SEC22A: variants seen among roughly 807,000 people sequenced by gnomAD.
The protein encoded by SEC22A is vesicle-trafficking protein SEC22a.
SEC22A carries 22 observed loss-of-function variants against 35.3 expected under a neutral mutation model. That is an observed-to-expected ratio of 0.62 (90% CI 0.45 to 0.89). The LOEUF (loss-of-function observed/expected upper bound fraction) is 0.89. Ranked by LOEUF, SEC22A falls within the 40% of genes least tolerant of loss-of-function variation. The pLI, the probability that SEC22A is intolerant of heterozygous loss-of-function variation, is 0.00. For missense variants in SEC22A, 354 were observed against 362.5 expected, an observed-to-expected ratio of 0.98 and a Z score of 0.19; for synonymous variants, 119 against 129.5, an observed-to-expected ratio of 0.92 and a Z score of 0.55.
chr3:123,257,103 T>C (rs1453947038), intron 5 of SEC22A, among the ~76,000 whole-genome samples: 1 of 152,042 alleles, frequency 6.6e-6, no homozygotes, highest in Non-Finnish European at 1.5e-5. Flanking sequence ...AAGTACCTGG[T>C]TTGTAAATGC....
At chr3:123,246,148 T>A (rs1937564177) in intron 5 of SEC22A, 134 bp downstream of exon 5, 2 of 560,252 alleles carry the variant, frequency 3.6e-6, no homozygotes, top group Admixed American at 3.4e-5. Flanking sequence ...TATATCTGCT[T>A]TAGCCTCCTT....
chr3:123,213,291 C>T (rs114760974), intron 2 of SEC22A, among the ~76,000 whole-genome samples: 1,906 of 152,182 alleles, frequency 0.013, 39 homozygotes, highest in African/African-American at 0.044. Flanking sequence ...GACTGAAATG[C>T]GTAAAATTGA....
chr3:123,206,066 C>A (rs937270240), intron 1 of SEC22A, among the ~76,000 whole-genome samples: 1 of 152,158 alleles, frequency 6.6e-6, no homozygotes, highest in African/African-American at 2.4e-5. Flanking sequence ...CATAATATTT[C>A]TATTAGGATC....
intron 5 of SEC22A, among the ~76,000 whole-genome samples, chr3:123,248,402 G>A (rs190934320): frequency 1.4e-3 from 218 of 152,214 alleles, no homozygotes; most frequent in Non-Finnish European, 2.3e-3. Context: ...AGGATATGAG[G>A]TTAATATACA....
intron 1 of SEC22A, 30 bp from the exon 2 acceptor site, chr3:123,209,169 A>G (rs1936896978): frequency 4.4e-6 from 7 of 1,577,698 alleles, no homozygotes; most frequent in African/African-American, 1.3e-5. Flanking sequence ...TTTAATTTTT[A>G]TGTAACCCAA....
chr3:123,215,463 C>T (rs928820647), intron 2 of SEC22A, among the ~76,000 whole-genome samples: 1 of 152,154 alleles, frequency 6.6e-6, no homozygotes, highest in Non-Finnish European at 1.5e-5. Flanking sequence ...ATGAGGTACT[C>T]TTATTTGGCT....
chr3:123,217,283 C>T (rs967254171), intron 2 of SEC22A, among the ~76,000 whole-genome samples: 1 of 151,358 alleles, frequency 6.6e-6, no homozygotes, highest in Non-Finnish European at 1.5e-5. Flanking sequence ...CTGCAAGCTC[C>T]GCCTCCTGGG....
chr3:123,240,208 C>G (rs1218080465), intron 4 of SEC22A, among the ~76,000 whole-genome samples: 3 of 152,122 alleles, frequency 2.0e-5, no homozygotes, highest in African/African-American at 7.2e-5. Flanking sequence ...GTCAAAGCAT[C>G]AAAAATACAG....
At chr3:123,265,758 T>C (rs780922405) in intron 6 of SEC22A, among the ~76,000 whole-genome samples, 17 of 152,186 alleles carry the variant, frequency 1.1e-4, no homozygotes, top group Non-Finnish European at 2.4e-4. Flanking sequence ...CAAGGTTCCT[T>C]TGTCTATATT....
intron 4 of SEC22A, among the ~76,000 whole-genome samples, chr3:123,236,362 T>C (rs1219842002): frequency 2.0e-5 from 3 of 152,164 alleles, no homozygotes; most frequent in East Asian, 3.8e-4. Context: ...ATATGTCTGA[T>C]CTAATATAGA....
At chr3:123,224,975 T>C in intron 3 of SEC22A, 128 bp from the exon 4 acceptor site, 1 of 601,110 alleles carries the variant, frequency 1.7e-6, no homozygotes, top group South Asian at 2.5e-5. Flanking sequence ...AATATTGGAC[T>C]ATTTCATGAC....
intron 2 of SEC22A, among the ~76,000 whole-genome samples, chr3:123,213,672 CT>C (rs1345912609): frequency 6.6e-6 from 1 of 152,124 alleles, no homozygotes; most frequent in African/African-American, 2.4e-5. Context: ...GGGAATTGAT[CT>C]GCCATGGCTT....
At chr3:123,231,393 GA>G (rs1171672887) in intron 4 of SEC22A, among the ~76,000 whole-genome samples, 3 of 152,124 alleles carry the variant, frequency 2.0e-5, no homozygotes, top group Non-Finnish European at 4.4e-5. Flanking sequence ...TATTCTCCAG[GA>G]TAGACCTTAT....
chr3:123,233,743 A>G (rs1285220395), intron 4 of SEC22A, among the ~76,000 whole-genome samples: 1 of 152,200 alleles, frequency 6.6e-6, no homozygotes, highest in African/African-American at 2.4e-5. Flanking sequence ...CTAACATTAT[A>G]TCTAATGGTG....
chr3:123,238,885 T>G (rs1010560466), intron 4 of SEC22A, among the ~76,000 whole-genome samples: 3 of 152,166 alleles, frequency 2.0e-5, no homozygotes, highest in Non-Finnish European at 4.4e-5. Context: ...TTAAAACTGT[T>G]TATTATGGAA....
intron 2 of SEC22A, among the ~76,000 whole-genome samples, chr3:123,215,930 T>A (rs1937013742): frequency 6.6e-6 from 1 of 152,144 alleles, no homozygotes; most frequent in African/African-American, 2.4e-5. Flanking sequence ...GACAGCATTG[T>A]CTCATTGTAG....
chr3:123,218,684 CT>C (rs1203671328), intron 2 of SEC22A, among the ~76,000 whole-genome samples: 1 of 152,148 alleles, frequency 6.6e-6, no homozygotes, highest in Non-Finnish European at 1.5e-5. Flanking sequence ...TGAAGTTCTA[CT>C]CTCTTCTGTC....
intron 5 of SEC22A, among the ~76,000 whole-genome samples, chr3:123,246,704 G>C (rs1215677802): frequency 6.6e-6 from 1 of 152,014 alleles, no homozygotes; most frequent in East Asian, 1.9e-4. Context: ...GCACATTTGA[G>C]ACTGCACAGC....
At chr3:123,258,176 A>T (rs1171731548) in intron 5 of SEC22A, among the ~76,000 whole-genome samples, 2 of 152,106 alleles carry the variant, frequency 1.3e-5, no homozygotes, top group Non-Finnish European at 2.9e-5. Context: ...CTGTCTTGGG[A>T]AAGTGTTTGT....
Sources: gnomAD v4.1 joint callset for allele counts (sites outside exome capture counted in the v4.1 genomes callset) on GRCh38, gnomAD v4.1.1 for gene constraint, MANE v1.5 for transcripts, NCBI Gene and HGNC (gene_info 2026-07-23, HGNC 2026-07-21) for gene names.